Variants in KCND2 observed in about 807,000 individuals in gnomAD.
The protein encoded by KCND2 is potassium voltage-gated channel subfamily D member 2.
Under a neutral mutation model 54.4 loss-of-function variants are expected in KCND2, and 16 were observed. That is an observed-to-expected ratio of 0.29 (90% confidence interval 0.20 to 0.45). KCND2 has a LOEUF of 0.45. KCND2 is among the 20% of genes least tolerant of loss of function. KCND2 has a pLI of 1.00. For synonymous variants in KCND2, 317 were observed against 310.7 expected (o/e 1.02, Z -0.21); for missense variants, 486 against 824.2 (o/e 0.59, Z 5.02).
intron 1 of KCND2, among the ~76,000 whole-genome samples, chr7:120,600,415 T>A (rs1486208632): frequency 6.6e-6 from 1 of 152,042 alleles, no homozygotes; most frequent in Non-Finnish European, 1.5e-5. Flanking sequence ...ACTAGATGTG[T>A]AAAATCTTAA....
chr7:120,322,142 A>T (rs1024177362), intron 1 of KCND2, among the ~76,000 whole-genome samples: 1 of 152,098 alleles, frequency 6.6e-6, no homozygotes, highest in Non-Finnish European at 1.5e-5. Context: ...TATCAAGTAA[A>T]TTAAATATTG....
chr7:120,592,378 C>A (rs13227896), intron 1 of KCND2, among the ~76,000 whole-genome samples: 1 of 151,902 alleles, frequency 6.6e-6, no homozygotes, highest in South Asian at 2.1e-4. Flanking sequence ...ATGGTGACAC[C>A]CCATCTCTAA....
intron 1 of KCND2, among the ~76,000 whole-genome samples, chr7:120,629,029 AG>A (rs1214764669): frequency 6.6e-6 from 1 of 152,206 alleles, no homozygotes; most frequent in African/African-American, 2.4e-5. Context: ...GTACGAGGTA[AG>A]GGGTTTACGG....
At chr7:120,471,740 C>A (rs779245842) in intron 1 of KCND2, among the ~76,000 whole-genome samples, 1 of 152,050 alleles carries the variant, frequency 6.6e-6, no homozygotes, top group Non-Finnish European at 1.5e-5. Context: ...GGACAGGATT[C>A]TGAATTCTAC....
intron 1 of KCND2, among the ~76,000 whole-genome samples, chr7:120,669,194 A>G (rs539086949): frequency 3.9e-5 from 6 of 152,206 alleles, no homozygotes; most frequent in East Asian, 1.9e-4. Context: ...ATTATCTCAC[A>G]TGTTTAAAAG....
chr7:120,676,189 C>T (rs891315873), intron 1 of KCND2, among the ~76,000 whole-genome samples: 2 of 152,168 alleles, frequency 1.3e-5, no homozygotes, highest in East Asian at 3.8e-4. Context: ...AGATGTTCAA[C>T]AAATGGCTGT....
intron 1 of KCND2, among the ~76,000 whole-genome samples, chr7:120,379,288 A>G (rs931939899): frequency 2.0e-5 from 3 of 152,008 alleles, no homozygotes; most frequent in Non-Finnish European, 2.9e-5. Context: ...GTAATAACAT[A>G]TGTCAGGGAA....
chr7:120,302,401 C>T (rs1336137952), intron 1 of KCND2, among the ~76,000 whole-genome samples: 3 of 151,976 alleles, frequency 2.0e-5, no homozygotes, highest in African/African-American at 4.8e-5. Flanking sequence ...TGGAGACTAG[C>T]GGTGTGCACC....
intron 1 of KCND2, among the ~76,000 whole-genome samples, chr7:120,547,041 T>C (rs1039155238): frequency 6.6e-6 from 1 of 151,960 alleles, no homozygotes; most frequent in Non-Finnish European, 1.5e-5. Context: ...ACAACTGATA[T>C]TCTTAAGTAA....
chr7:120,340,026 A>G (rs986303598), intron 1 of KCND2, among the ~76,000 whole-genome samples: 1 of 152,184 alleles, frequency 6.6e-6, no homozygotes, highest in African/African-American at 2.4e-5. Flanking sequence ...GTGGAGCCTA[A>G]TCATATTCAC....
At chr7:120,682,298 A>G (rs1295490833) in intron 1 of KCND2, among the ~76,000 whole-genome samples, 3 of 152,064 alleles carry the variant, frequency 2.0e-5, no homozygotes, top group Admixed American at 2.0e-4. Context: ...TGGGGTATTA[A>G]TACACAATAA....
At chr7:120,650,375 A>G (rs1791714121) in intron 1 of KCND2, among the ~76,000 whole-genome samples, 1 of 139,598 alleles carries the variant, frequency 7.2e-6, no homozygotes, top group African/African-American at 3.0e-5. Flanking sequence ...TTGATCTTCA[A>G]TCATTGATAC....
chr7:120,638,730 A>G (rs1193564120), intron 1 of KCND2, among the ~76,000 whole-genome samples: 1 of 152,150 alleles, frequency 6.6e-6, no homozygotes, highest in African/African-American at 2.4e-5. Flanking sequence ...CTAGTTCAAG[A>G]TGGAAAGTCC....
intron 1 of KCND2, among the ~76,000 whole-genome samples, chr7:120,478,936 C>A (rs1370267650): frequency 6.6e-6 from 1 of 152,144 alleles, no homozygotes; most frequent in Non-Finnish European, 1.5e-5. Context: ...TATTTTTACA[C>A]AAAGGATAGG....
chr7:120,503,781 G>A (rs767721616), intron 1 of KCND2, among the ~76,000 whole-genome samples: 3 of 151,844 alleles, frequency 2.0e-5, no homozygotes, highest in Non-Finnish European at 4.4e-5. Context: ...TGAAGCCTGT[G>A]GCTTATTCAA....
At chr7:120,679,190 A>G (rs923450990) in intron 1 of KCND2, among the ~76,000 whole-genome samples, 1 of 151,904 alleles carries the variant, frequency 6.6e-6, no homozygotes, top group Non-Finnish European at 1.5e-5. Flanking sequence ...TGAAAATGCT[A>G]ATTAGTTATA....
intron 1 of KCND2, among the ~76,000 whole-genome samples, chr7:120,589,492 G>T (rs983065964): frequency 6.6e-6 from 1 of 152,160 alleles, no homozygotes. Flanking sequence ...ACTTGTCAAG[G>T]AGACAGACAG....
At chr7:120,328,757 G>A (rs1800019155) in intron 1 of KCND2, among the ~76,000 whole-genome samples, 1 of 152,022 alleles carries the variant, frequency 6.6e-6, no homozygotes, top group South Asian at 2.1e-4. Flanking sequence ...CTGAGCTCAT[G>A]TATAAGAAAC....
At chr7:120,440,280 A>G (rs10235142) in intron 1 of KCND2, among the ~76,000 whole-genome samples, 9,327 of 152,012 alleles carry the variant, frequency 0.061, 877 homozygotes, top group African/African-American at 0.21. Context: ...GGCCATTTGT[A>G]TATCTTCTTT....
Sources: gnomAD v4.1 joint callset for allele counts (sites outside exome capture counted in the v4.1 genomes callset) on GRCh38, gnomAD v4.1.1 for gene constraint, MANE v1.5 for transcripts, NCBI Gene and HGNC (gene_info 2026-07-23, HGNC 2026-07-21) for gene names.